The following NRXN3 variants were observed in gnomAD, a reference collection of about 807,000 sequenced individuals.
NRXN3 encodes the protein neurexin III.
A neutral mutation model predicts 137.6 loss-of-function variants in NRXN3; 32 were observed. The ratio of observed to expected loss-of-function variants is 0.23; its 90% CI spans 0.18 to 0.31. The LOEUF (loss-of-function observed/expected upper bound fraction) is 0.31. Among genes scored for constraint, NRXN3 ranks in the 10% least tolerant of loss-of-function variants. The pLI is 1.00. For synonymous variants in NRXN3, 798 were observed against 784.5 expected (o/e 1.02, Z -0.29); for missense variants, 1,574 against 2,062.5 (o/e 0.76, Z 4.59).
chr14:79,853,681 C>G (rs751582288), intron 20 of NRXN3: 1 of 1,295,274 alleles, frequency 7.7e-7, no homozygotes, highest in East Asian at 5.1e-5. Context: ...TCTTTCCTTC[C>G]CATTCTCCCC....
At chr14:79,429,204 T>C (rs946422105) in intron 15 of NRXN3, among the ~76,000 whole-genome samples, 2 of 152,186 alleles carry the variant, frequency 1.3e-5, no homozygotes, top group Non-Finnish European at 2.9e-5. Context: ...TGCCAGATGG[T>C]GTTTTTGAGA....
chr14:78,700,527 G>T (rs1174736350), intron 6 of NRXN3, among the ~76,000 whole-genome samples: 3 of 152,194 alleles, frequency 2.0e-5, no homozygotes, highest in African/African-American at 4.8e-5. Flanking sequence ...TTAACTGGCA[G>T]CTAGAAACTT....
intron 10 of NRXN3, among the ~76,000 whole-genome samples, chr14:78,831,010 C>T (rs894877170): frequency 2.0e-5 from 3 of 152,102 alleles, no homozygotes; most frequent in Non-Finnish European, 4.4e-5. Context: ...GATTTGGGAA[C>T]TTTAATAAAA....
chr14:79,463,833 T>G (rs1192491650), intron 15 of NRXN3, among the ~76,000 whole-genome samples: 1 of 152,178 alleles, frequency 6.6e-6, no homozygotes. Flanking sequence ...TGGTATAGCA[T>G]GCCTCAGAAA....
intron 4 of NRXN3, among the ~76,000 whole-genome samples, chr14:78,479,338 A>G (rs2095434145): frequency 6.6e-6 from 1 of 152,194 alleles, no homozygotes; most frequent in South Asian, 2.1e-4. Flanking sequence ...GCAGCTGGAG[A>G]GTTTGTTAAA....
chr14:79,394,276 T>A (rs975899307), intron 15 of NRXN3, among the ~76,000 whole-genome samples: 2 of 152,214 alleles, frequency 1.3e-5, no homozygotes, highest in African/African-American at 4.8e-5. Flanking sequence ...ATGATAATAA[T>A]AACAGCAGTA....
At chr14:79,750,891 C>T (rs2098995269) in intron 19 of NRXN3, among the ~76,000 whole-genome samples, 1 of 152,104 alleles carries the variant, frequency 6.6e-6, no homozygotes, top group African/African-American at 2.4e-5. Flanking sequence ...CAGCTAATCT[C>T]TTGCTTCTAG....
At chr14:79,772,442 G>A (rs1368496819) in intron 19 of NRXN3, among the ~76,000 whole-genome samples, 2 of 152,008 alleles carry the variant, frequency 1.3e-5, no homozygotes, top group Non-Finnish European at 2.9e-5. Context: ...TAGATCAATG[G>A]AACAGAACAG....
chr14:78,237,235 A>G (rs1248632978), intron 1 of NRXN3, among the ~76,000 whole-genome samples: 1 of 152,212 alleles, frequency 6.6e-6, no homozygotes, highest in African/African-American at 2.4e-5. Flanking sequence ...TGTCAGTGAC[A>G]ACAGTTTTTT....
At chr14:78,203,463 A>G (rs2061864693) in intron 1 of NRXN3, among the ~76,000 whole-genome samples, 1 of 152,144 alleles carries the variant, frequency 6.6e-6, no homozygotes, top group Non-Finnish European at 1.5e-5. Flanking sequence ...TGCTCGGCTC[A>G]GTTTCAAAAC....
intron 15 of NRXN3, among the ~76,000 whole-genome samples, chr14:79,167,884 T>C (rs889806027): frequency 1.3e-5 from 2 of 151,790 alleles, no homozygotes; most frequent in African/African-American, 4.8e-5. Flanking sequence ...ACCCTTCTCA[T>C]ATAGATCCAC....
At chr14:79,127,097 T>C (rs1413020881) in intron 15 of NRXN3, among the ~76,000 whole-genome samples, 1 of 152,132 alleles carries the variant, frequency 6.6e-6, no homozygotes, top group Non-Finnish European at 1.5e-5. Context: ...ATGAGTAGGT[T>C]GCGAAAATTT....
At chr14:78,640,587 TA>T (rs1317961923) in intron 4 of NRXN3, among the ~76,000 whole-genome samples, 1 of 152,200 alleles carries the variant, frequency 6.6e-6, no homozygotes, top group Non-Finnish European at 1.5e-5. Flanking sequence ...GGGTGTCTTT[TA>T]GGGGGAAAGA....
intron 4 of NRXN3, among the ~76,000 whole-genome samples, chr14:78,503,852 C>T (rs1018012432): frequency 6.6e-6 from 1 of 152,130 alleles, no homozygotes; most frequent in Admixed American, 6.6e-5. Context: ...GTGGTTCTCC[C>T]CTTTCACTTG....
At chr14:78,710,863 A>G (rs1364124344) in intron 7 of NRXN3, among the ~76,000 whole-genome samples, 1 of 152,210 alleles carries the variant, frequency 6.6e-6, no homozygotes, top group Non-Finnish European at 1.5e-5. Flanking sequence ...GCCCAGTAGG[A>G]ATCTTTACTG....
At chr14:79,548,647 C>A (rs2097344175) in intron 16 of NRXN3, among the ~76,000 whole-genome samples, 1 of 151,826 alleles carries the variant, frequency 6.6e-6, no homozygotes, top group Non-Finnish European at 1.5e-5. Flanking sequence ...AGCCTTAAAT[C>A]TACCAAGCCG....
intron 8 of NRXN3, among the ~76,000 whole-genome samples, chr14:78,796,276 A>G (rs372529244): frequency 3.3e-5 from 5 of 152,192 alleles, no homozygotes; most frequent in African/African-American, 1.2e-4. Context: ...AGAGTCCACC[A>G]TCTTTCCCAA....
chr14:78,711,100 A>G (rs1259241092), intron 7 of NRXN3, among the ~76,000 whole-genome samples: 2 of 152,094 alleles, frequency 1.3e-5, no homozygotes, highest in Non-Finnish European at 2.9e-5. Flanking sequence ...TTCCAGAATT[A>G]TAAAGAAAAC....
At chr14:78,331,830 A>C (rs750966832) in intron 4 of NRXN3, among the ~76,000 whole-genome samples, 1 of 152,212 alleles carries the variant, frequency 6.6e-6, no homozygotes, top group African/African-American at 2.4e-5. Flanking sequence ...CAATATAAAA[A>C]TAGTTTTGTC....
Sources: gnomAD v4.1 joint callset for allele counts (sites outside exome capture counted in the v4.1 genomes callset) on GRCh38, gnomAD v4.1.1 for gene constraint, MANE v1.5 for transcripts, NCBI Gene and HGNC (gene_info 2026-07-23, HGNC 2026-07-21) for gene names.